FER: variants seen among roughly 807,000 people sequenced by gnomAD.
FER encodes the protein tyrosine-protein kinase Fer.
A neutral mutation model predicts 111.0 loss-of-function variants in FER; 63 were observed. The observed-to-expected ratio is 0.57, with a 90% CI of 0.46 to 0.70. The LOEUF (loss-of-function observed/expected upper bound fraction) is 0.70. Among genes scored for constraint, FER ranks in the 30% least tolerant of loss-of-function variants. The pLI, the probability that FER is intolerant of heterozygous loss-of-function variation, is 0.00. For synonymous variants in FER, 327 were observed against 313.9 expected, an observed-to-expected ratio of 1.04 and a Z score of -0.44; for missense variants, 914 against 954.0, an observed-to-expected ratio of 0.96 and a Z score of 0.55.
At chr5:109,019,556 A>T (rs544633251) in intron 13 of FER, among the ~76,000 whole-genome samples, 1 of 151,916 alleles carries the variant, frequency 6.6e-6, no homozygotes, top group East Asian at 1.9e-4. Context: ...TCATAAGGGA[A>T]CTTATTAAAA....
intron 17 of FER, among the ~76,000 whole-genome samples, chr5:109,117,987 G>A (rs898637585): frequency 3.9e-5 from 6 of 151,924 alleles, no homozygotes; most frequent in Admixed American, 3.3e-4. Flanking sequence ...TTTCCTAATT[G>A]AATGCCCTTT....
intron 9 of FER, among the ~76,000 whole-genome samples, chr5:108,889,754 T>A (rs1332178332): frequency 6.6e-6 from 1 of 151,992 alleles, no homozygotes; most frequent in East Asian, 1.9e-4. Context: ...TCACATGCTT[T>A]TATCAAAATA....
intron 3 of FER, among the ~76,000 whole-genome samples, chr5:108,808,801 C>T (rs956796877): frequency 9.9e-5 from 15 of 152,096 alleles, no homozygotes; most frequent in Non-Finnish European, 4.4e-5. Flanking sequence ...ATTCTGTTAG[C>T]ACTTGCTTGT....
chr5:108,926,070 CTT>C (rs147982823), intron 10 of FER, among the ~76,000 whole-genome samples: 16 of 150,318 alleles, frequency 1.1e-4, no homozygotes, highest in African/African-American at 2.7e-4. Flanking sequence ...TAATATTTTT[CTT>C]TTTTTTTATA....
At chr5:109,083,841 T>C (rs1421741158) in intron 16 of FER, among the ~76,000 whole-genome samples, 1 of 152,038 alleles carries the variant, frequency 6.6e-6, no homozygotes, top group Non-Finnish European at 1.5e-5. Flanking sequence ...CTATTCTGTG[T>C]GCAGGTATCC....
At position 109,044,746 on chromosome 5, in the gene FER, AAAG is replaced by A; in HGVS notation, c.1785_1787del (p.Glu595del). ...AACTTCTGTTGCTGTTAAAACATGT[AAAG>A]AAGATCTTCCTCAGGAATTGAAAAT... On this transcript the variant is annotated inframe_deletion, in exon 15 of 20. Transcript: ENST00000281092. 6.3e-7 allele frequency: 1 copy of A among 1,591,006 alleles called. No individual in the cohort carries two copies. Among genetic ancestry groups the A allele is most frequent in the Non-Finnish European group, 8.5e-7 (1 of 1,170,706 alleles).
At chr5:109,059,438 G>A (rs1409595842) in intron 16 of FER, among the ~76,000 whole-genome samples, 1 of 152,110 alleles carries the variant, frequency 6.6e-6, no homozygotes, top group Non-Finnish European at 1.5e-5. Context: ...TGAGGCAGGA[G>A]AATCGCTTGA....
At chr5:108,907,513 T>G (rs1750959433) in intron 10 of FER, among the ~76,000 whole-genome samples, 1 of 152,170 alleles carries the variant, frequency 6.6e-6, no homozygotes, top group African/African-American at 2.4e-5. Context: ...CAGGCTGGTC[T>G]TGAGCTCCTG....
chr5:108,833,248 T>G (rs1361160334), intron 4 of FER, among the ~76,000 whole-genome samples: 1 of 152,176 alleles, frequency 6.6e-6, no homozygotes, highest in Non-Finnish European at 1.5e-5. Context: ...AAAAATAAAT[T>G]TGTCTTATCT....
At chr5:109,013,216 C>T (rs1316778364) in intron 13 of FER, among the ~76,000 whole-genome samples, 1 of 140,906 alleles carries the variant, frequency 7.1e-6, no homozygotes, top group African/African-American at 2.6e-5. Flanking sequence ...TCTCCTAATG[C>T]TATCCCTCCC....
intron 1 of FER, among the ~76,000 whole-genome samples, chr5:108,756,730 CA>C (rs1751153772): frequency 6.6e-6 from 1 of 152,006 alleles, no homozygotes; most frequent in African/African-American, 2.4e-5. Context: ...GATTTATATA[CA>C]ATAGAAAATT....
At chr5:109,118,291 T>C (rs1582108791) in intron 17 of FER, among the ~76,000 whole-genome samples, 2 of 152,214 alleles carry the variant, frequency 1.3e-5, no homozygotes, top group East Asian at 3.8e-4. Flanking sequence ...TGGTTCTGTT[T>C]ATATGCTGGA....
At chr5:109,106,384 A>G (rs992658007) in intron 17 of FER, among the ~76,000 whole-genome samples, 50 of 152,170 alleles carry the variant, frequency 3.3e-4, no homozygotes, top group African/African-American at 1.2e-3. Context: ...GTTGTTTAGA[A>G]TGCCCCCTTA....
At chr5:108,976,023 A>G (rs1761290492) in intron 13 of FER, among the ~76,000 whole-genome samples, 1 of 152,280 alleles carries the variant, frequency 6.6e-6, no homozygotes, top group African/African-American at 2.4e-5. Flanking sequence ...TTTAGAAGCA[A>G]CCTCAGGGCC....
At chr5:109,009,456 C>T (rs924979949) in intron 13 of FER, among the ~76,000 whole-genome samples, 2 of 152,096 alleles carry the variant, frequency 1.3e-5, no homozygotes, top group Admixed American at 6.5e-5. Flanking sequence ...AAGCCTCTAC[C>T]CCTGACCACC....
chr5:109,003,566 T>C (rs1765100611), intron 13 of FER, among the ~76,000 whole-genome samples: 1 of 151,990 alleles, frequency 6.6e-6, no homozygotes, highest in Non-Finnish European at 1.5e-5. Context: ...TGTATACATA[T>C]GTAACAAACC....
In FER at chr5:108,898,652, C is replaced by T. The variant is rs184410705; in HGVS notation, c.1236+804C>T. ...CTTTCTTTTTCTTTTTCTTTCCTTT[C>T]TCTCTTCCTCTTTCTTTTCTCTCTC... is the stretch of plus-strand genomic sequence containing the variant. On this transcript the variant is annotated intron_variant, in intron 10 of 19. Coordinates refer to ENST00000281092, the MANE Select transcript of FER (RefSeq NM_005246.4). Among the ~76,000 whole-genome samples the T allele has an allele frequency of 7.3e-3, 1,029 of 141,152 alleles. 17 individuals carry two copies. The highest frequency in any genetic ancestry group is 0.026 in the African/African-American group (990 of 38,284). 92.6% of individuals were successfully genotyped at this position (141,152 alleles called of 152,430 possible).
intron 5 of FER, among the ~76,000 whole-genome samples, chr5:108,836,337 A>C (rs976953462): frequency 3.3e-5 from 5 of 152,128 alleles, no homozygotes; most frequent in African/African-American, 1.2e-4. Context: ...TATGGTTATA[A>C]TTTCTTATTA....
At chr5:108,862,883 C>A (rs1039994965) in intron 5 of FER, among the ~76,000 whole-genome samples, 2 of 151,858 alleles carry the variant, frequency 1.3e-5, no homozygotes, top group Non-Finnish European at 2.9e-5. Flanking sequence ...TGAAATGGGC[C>A]TCAGAAAAGG....
Sources: allele counts gnomAD v4.1 joint callset (sites outside exome capture counted in the v4.1 genomes callset), GRCh38; gene constraint gnomAD v4.1.1; transcripts MANE v1.5; gene names NCBI Gene and HGNC (gene_info 2026-07-23, HGNC 2026-07-21).